DPRX: variants seen among roughly 807,000 people sequenced by gnomAD.
The protein encoded by DPRX is divergent-paired related homeobox.
Under a neutral mutation model 8.4 loss-of-function variants are expected in DPRX, and 11 were observed. The ratio of observed to expected loss-of-function variants is 1.31; its 90% CI spans 0.82 to 2.17. DPRX has a LOEUF of 2.17. Ranked by LOEUF, DPRX falls within the 30% of genes most tolerant of loss-of-function variation. The pLI, the probability that DPRX is intolerant of heterozygous loss-of-function variation, is 0.00. For missense variants in DPRX, 211 were observed against 236.7 expected (o/e 0.89, Z 0.71); for synonymous variants, 72 against 87.0 (o/e 0.83, Z 0.96).
intron 2 of DPRX, among the ~76,000 whole-genome samples, chr19:53,635,851 T>C (rs991973625): frequency 2.0e-5 from 3 of 152,134 alleles, no homozygotes; most frequent in Admixed American, 2.0e-4. Flanking sequence ...CCACCAGCCT[T>C]AGCTGGCTGG....
the DPRX span, among the ~76,000 whole-genome samples, chr19:53,603,960 G>T: frequency 6.6e-6 from 1 of 151,892 alleles, no homozygotes; most frequent in African/African-American, 2.4e-5. Flanking sequence ...TGGCCAGGCT[G>T]GTCTCAAACT....
chr19:53,623,591 T>C, the DPRX span, among the ~76,000 whole-genome samples: 1 of 150,270 alleles, frequency 6.7e-6, no homozygotes, highest in African/African-American at 2.5e-5. Context: ...TGAGCAGAGA[T>C]TGCACCATTG....
chr19:53,601,803 A>G, the DPRX span, among the ~76,000 whole-genome samples: 4 of 151,998 alleles, frequency 2.6e-5, no homozygotes, highest in Non-Finnish European at 4.4e-5. Context: ...CTGAGTAGGT[A>G]TTCCATTGGG....
the DPRX span, among the ~76,000 whole-genome samples, chr19:53,610,991 C>T: frequency 2.6e-5 from 4 of 152,098 alleles, no homozygotes; most frequent in African/African-American, 9.7e-5. Flanking sequence ...AAACCTCCGC[C>T]TCCCAGGTTC....
upstream of DPRX, among the ~76,000 whole-genome samples, chr19:53,631,192 G>A (rs2091091288): frequency 6.6e-6 from 1 of 151,684 alleles, no homozygotes; most frequent in Non-Finnish European, 1.5e-5. Context: ...TGGGAAGGCT[G>A]AGGCAGGAGA....
At chr19:53,609,713 A>C in the DPRX span, among the ~76,000 whole-genome samples, 8 of 146,952 alleles carry the variant, frequency 5.4e-5, no homozygotes. Context: ...TAAAAATCCA[A>C]AAATTGGCTG....
At chr19:53,633,293 A>G (rs1433908857) in intron 1 of DPRX, among the ~76,000 whole-genome samples, 1 of 152,204 alleles carries the variant, frequency 6.6e-6, no homozygotes, top group East Asian at 1.9e-4. Context: ...AGAAAAAGAA[A>G]GTAAAAGGTG....
chr19:53,612,555 A>C, the DPRX span, among the ~76,000 whole-genome samples: 6 of 151,758 alleles, frequency 4.0e-5, no homozygotes, highest in African/African-American at 1.5e-4. Context: ...AAAAATACAA[A>C]AATTAGCCGG....
the DPRX span, among the ~76,000 whole-genome samples, chr19:53,611,153 C>T: frequency 2.6e-5 from 4 of 152,100 alleles, no homozygotes; most frequent in Admixed American, 6.6e-5. Flanking sequence ...CCAACTGCCT[C>T]GGCCTCTGAA....
At chr19:53,632,544 T>C (rs1191025173) in intron 1 of DPRX, among the ~76,000 whole-genome samples, 1 of 151,802 alleles carries the variant, frequency 6.6e-6, no homozygotes, top group Non-Finnish European at 1.5e-5. Context: ...CTCCTGACCT[T>C]GTGATCCGTC....
In DPRX at chr19:53,634,704, T is replaced by C. The variant is rs1446866968; in HGVS notation, c.183+19T>C. 1.9e-6 allele frequency: 3 copies of C among 1,606,222 alleles called. No individual in the cohort carries two copies. In the South Asian group the frequency reaches 3.3e-5, roughly 18 times the overall value. On this transcript the variant is annotated intron_variant, in intron 2 of 2. Transcript: ENST00000376650. ...ACTGCAGGTTGGAAAATGATCCCTC[T>C]TCTCACTAAACTGCCTTCCTGATCT... is the stretch of plus-strand genomic sequence containing the variant.
the DPRX span, among the ~76,000 whole-genome samples, chr19:53,622,929 T>G: frequency 2.6e-4 from 39 of 152,146 alleles, no homozygotes. Context: ...GTTGGTTATA[T>G]GCAGATATTG....
rs752355371 is a variant in DPRX at position 53,636,777 on chromosome 19, C to T, written c.365C>T (p.Thr122Met). 64 of 1,614,050 alleles carry T rather than the reference C, an allele frequency of 4.0e-5. No individual in the cohort carries two copies. In the Admixed American group the frequency reaches 4.8e-4, roughly 12 times the overall value. ...GCTCACCCGATCGGCCTGGTGTACACGGGTCATCGAGTCCCCTCATTCCAG... is the reference window on the plus strand; with the variant it reads ...GCTCACCCGATCGGCCTGGTGTACATGGGTCATCGAGTCCCCTCATTCCAG... The change falls in exon 3 of 3, where the codon ACG becomes ATG. Residue 122 changes from threonine (T) to methionine (M), a missense_variant. Coordinates refer to ENST00000376650, the Ensembl canonical transcript of DPRX.
At chr19:53,631,828 G>A (rs996265218), upstream of DPRX, among the ~76,000 whole-genome samples, 3 of 152,070 alleles carry the variant, frequency 2.0e-5, no homozygotes, top group Non-Finnish European at 4.4e-5. Context: ...CCAGGATTCT[G>A]CATTTTAACA....
the DPRX span, among the ~76,000 whole-genome samples, chr19:53,618,799 C>T: frequency 6.5e-3 from 985 of 151,862 alleles, 14 homozygotes; most frequent in African/African-American, 0.022. Context: ...TCTCCTGCCT[C>T]AGCCTCCCAA....
chr19:53,631,387 A>T (rs896083148), upstream of DPRX, among the ~76,000 whole-genome samples: 3 of 152,166 alleles, frequency 2.0e-5, no homozygotes, highest in African/African-American at 7.2e-5. Flanking sequence ...TAGCCACTAA[A>T]GAATATATAA....
chr19:53,602,270 GTGTGTGTGTGTGTGTGTGT>G, the DPRX span: 1 of 99,226 alleles, frequency 1.0e-5, no homozygotes, highest in South Asian at 9.0e-5. Flanking sequence ...GGGTATGGGT[GTGTGTGTGTGTGTGTGTGT>G]GTGTGTGTGT....
the DPRX span, among the ~76,000 whole-genome samples, chr19:53,623,554 C>T: frequency 6.6e-6 from 1 of 152,018 alleles, no homozygotes; most frequent in Non-Finnish European, 1.5e-5. Flanking sequence ...AGGAGAATCG[C>T]TTGAATCCGG....
At chr19:53,626,223 C>G in the DPRX span, among the ~76,000 whole-genome samples, 7 of 152,014 alleles carry the variant, frequency 4.6e-5, no homozygotes, top group African/African-American at 1.7e-4. Context: ...CAGACGTGAG[C>G]CACCGTGACT....
Sources: allele counts gnomAD v4.1 joint callset (sites outside exome capture counted in the v4.1 genomes callset), GRCh38; gene constraint gnomAD v4.1.1; transcripts MANE v1.5; gene names NCBI Gene and HGNC (gene_info 2026-07-23, HGNC 2026-07-21).